The following MYO3B variants were observed in gnomAD, a reference collection of about 807,000 sequenced individuals.
MYO3B encodes myosin IIIB, also known as myosin-IIIb.
In MYO3B, 156 loss-of-function variants were observed where a neutral mutation model predicts 174.6. The ratio of observed to expected loss-of-function variants is 0.89; its 90% CI spans 0.78 to 1.02. MYO3B has a LOEUF of 1.02. Ranked by LOEUF, MYO3B falls within the 50% of genes least tolerant of loss-of-function variation. The probability of loss-of-function intolerance (pLI) is 0.00; values close to 1 mark genes in which losing one functional copy is unlikely to be tolerated. For synonymous variants in MYO3B, 563 were observed against 569.1 expected, an observed-to-expected ratio of 0.99 and a Z score of 0.15; for missense variants, 1,632 against 1,639.4, an observed-to-expected ratio of 1.00 and a Z score of 0.08.
intron 7 of MYO3B, among the ~76,000 whole-genome samples, chr2:170,304,376 A>G (rs142988455): frequency 0.017 from 2,541 of 152,132 alleles, 83 homozygotes; most frequent in African/African-American, 0.058. Context: ...GGTGGAGTTG[A>G]ATATAATTCT....
intron 29 of MYO3B, among the ~76,000 whole-genome samples, chr2:170,519,178 T>G (rs1219768743): frequency 6.6e-6 from 1 of 152,132 alleles, no homozygotes; most frequent in African/African-American, 2.4e-5. Context: ...CTGTGCACTC[T>G]TTATATCTAT....
intron 16 of MYO3B, 35 bp from the exon 17 acceptor site, chr2:170,400,153 T>C (rs760745552): frequency 6.2e-7 from 1 of 1,613,756 alleles, no homozygotes; most frequent in East Asian, 2.2e-5. Context: ...TGACTGGCAA[T>C]GACCTTCATA....
chr2:170,437,156 C>A (rs1450026738), intron 22 of MYO3B, among the ~76,000 whole-genome samples: 1 of 151,434 alleles, frequency 6.6e-6, no homozygotes, highest in African/African-American at 2.4e-5. Flanking sequence ...ATGCAAAGCC[C>A]TGCAAAACTT....
intron 32 of MYO3B, among the ~76,000 whole-genome samples, chr2:170,598,297 C>T (rs890257814): frequency 3.9e-5 from 6 of 152,162 alleles, no homozygotes; most frequent in African/African-American, 9.7e-5. Flanking sequence ...CTGCTTCAGC[C>T]GGCTGTTCCT....
At chr2:170,312,758 G>T (rs1295737788) in intron 7 of MYO3B, among the ~76,000 whole-genome samples, 2 of 152,226 alleles carry the variant, frequency 1.3e-5, no homozygotes, top group Non-Finnish European at 2.9e-5. Flanking sequence ...GAGGCCAGTT[G>T]AAATCACTTC....
intron 3 of MYO3B, among the ~76,000 whole-genome samples, chr2:170,210,972 T>C (rs926858469): frequency 1.3e-5 from 2 of 152,240 alleles, no homozygotes; most frequent in African/African-American, 2.4e-5. Flanking sequence ...ATTTGGATTA[T>C]TGGCCTCTGG....
chr2:170,427,660 T>C (rs967438526), intron 22 of MYO3B, among the ~76,000 whole-genome samples: 12 of 152,212 alleles, frequency 7.9e-5, no homozygotes, highest in African/African-American at 2.9e-4. Flanking sequence ...TCTCCTTATT[T>C]TCTGGATTCT....
intron 6 of MYO3B, among the ~76,000 whole-genome samples, chr2:170,220,241 G>A (rs1290849579): frequency 2.7e-5 from 4 of 150,096 alleles, no homozygotes; most frequent in Non-Finnish European, 4.4e-5. Flanking sequence ...CTGGGAGACA[G>A]AGTGAGACTC....
At chr2:170,218,362 A>G (rs1215603326) in intron 6 of MYO3B, among the ~76,000 whole-genome samples, 1 of 152,194 alleles carries the variant, frequency 6.6e-6, no homozygotes, top group Admixed American at 6.5e-5. Context: ...ATAAAACTAG[A>G]TATAAACTCT....
At chr2:170,473,139 C>CTTTTTTTTTTTTTTTTTTT (rs66837903) in intron 25 of MYO3B, among the ~76,000 whole-genome samples, 29 of 96,462 alleles carry the variant, frequency 3.0e-4, no homozygotes, top group Non-Finnish European at 4.9e-4. Context: ...TTTTTCTTTT[C>CTTTTTTTTTTTTTTTTTTT]TTTTTTTTTT....
intron 32 of MYO3B, among the ~76,000 whole-genome samples, chr2:170,550,899 T>C (rs964236218): frequency 1.3e-5 from 2 of 152,066 alleles, no homozygotes; most frequent in African/African-American, 4.8e-5. Context: ...ACTGCCTTTA[T>C]TGTTTGTTTG....
intron 7 of MYO3B, among the ~76,000 whole-genome samples, chr2:170,296,977 A>T (rs1171526455): frequency 1.3e-5 from 2 of 152,120 alleles, no homozygotes; most frequent in Non-Finnish European, 2.9e-5. Context: ...CGCACCCATG[A>T]TCCAATCGCC....
chr2:170,543,110 A>G (rs922602382), intron 31 of MYO3B, 144 bp downstream of exon 31: 3 of 671,404 alleles, frequency 4.5e-6, no homozygotes, highest in South Asian at 2.5e-5. Flanking sequence ...TCTTTGAGAC[A>G]AAAGCCCAGC....
intron 23 of MYO3B, among the ~76,000 whole-genome samples, chr2:170,456,166 G>C (rs910664130): frequency 1.3e-5 from 2 of 152,156 alleles, no homozygotes; most frequent in Non-Finnish European, 2.9e-5. Context: ...ATTTTGGTGG[G>C]GGGGTGGGGC....
intron 7 of MYO3B, among the ~76,000 whole-genome samples, chr2:170,237,265 A>T (rs537000840): frequency 6.6e-6 from 1 of 152,280 alleles, no homozygotes; most frequent in Non-Finnish European, 1.5e-5. Context: ...TAAGTCAGAA[A>T]ATGGGAAATG....
At chr2:170,403,103 G>A (rs1400592770) in intron 19 of MYO3B, 108 bp downstream of exon 19, 1 of 1,076,818 alleles carries the variant, frequency 9.3e-7, no homozygotes, top group Non-Finnish European at 1.3e-6. Context: ...AGACCCTAGA[G>A]AGAAAATAGG....
intron 1 of MYO3B, among the ~76,000 whole-genome samples, chr2:170,197,354 C>A (rs2092612500): frequency 6.6e-6 from 1 of 152,142 alleles, no homozygotes; most frequent in Non-Finnish European, 1.5e-5. Context: ...AGGAAGAACC[C>A]ATCAGGCAGT....
At chr2:170,372,143 A>AAAAAAAC (rs1553475399) in intron 9 of MYO3B, among the ~76,000 whole-genome samples, 4 of 136,894 alleles carry the variant, frequency 2.9e-5, no homozygotes, top group Admixed American at 7.8e-5. Flanking sequence ...AAAAAAAAAA[A>AAAAAAAC]AACAACAACA....
At chr2:170,533,724 A>G (rs893645037) in intron 30 of MYO3B, among the ~76,000 whole-genome samples, 1 of 152,256 alleles carries the variant, frequency 6.6e-6, no homozygotes, top group Non-Finnish European at 1.5e-5. Context: ...ATCATAAACA[A>G]TAAGTAACCA....
Sources: allele counts gnomAD v4.1 joint callset (sites outside exome capture counted in the v4.1 genomes callset), GRCh38; gene constraint gnomAD v4.1.1; transcripts MANE v1.5; gene names NCBI Gene and HGNC (gene_info 2026-07-23, HGNC 2026-07-21).